Variants in PLCL2 observed in about 807,000 individuals in gnomAD.
PLCL2 encodes the protein inactive phospholipase C-like protein 2.
A neutral mutation model predicts 79.6 loss-of-function variants in PLCL2; 4 were observed. The ratio of observed to expected loss-of-function variants is 0.05; its 90% CI spans 0.02 to 0.11. PLCL2 has a LOEUF of 0.11. Among genes scored for constraint, PLCL2 ranks in the 10% least tolerant of loss-of-function variants. The pLI is 1.00. For missense variants in PLCL2, 895 were observed against 1,291.0 expected (o/e 0.69, Z 4.70); for synonymous variants, 484 against 457.7 (o/e 1.06, Z -0.73).
chr3:17,086,555 A>G (rs2065222216), intron 5 of PLCL2, among the ~76,000 whole-genome samples: 1 of 152,242 alleles, frequency 6.6e-6, no homozygotes, highest in African/African-American at 2.4e-5. Flanking sequence ...CACCATAGAC[A>G]ATCCATTAAA....
intron 3 of PLCL2, 149 bp from the exon 4 acceptor site, chr3:17,042,725 G>T: frequency 1.6e-6 from 1 of 619,264 alleles, no homozygotes; most frequent in South Asian, 1.9e-5. Flanking sequence ...ATTTTCACAT[G>T]CACATTTGAA....
At chr3:17,085,520 G>A (rs575136683) in intron 5 of PLCL2, among the ~76,000 whole-genome samples, 4 of 151,298 alleles carry the variant, frequency 2.6e-5, no homozygotes, top group Admixed American at 6.6e-5. Flanking sequence ...GTGTGATCTC[G>A]GCTCACTGCA....
chr3:17,074,390 G>A (rs141842312), intron 5 of PLCL2, among the ~76,000 whole-genome samples: 3 of 152,276 alleles, frequency 2.0e-5, no homozygotes, highest in Non-Finnish European at 4.4e-5. Flanking sequence ...TCTCATCTAG[G>A]CTTTATTGAT....
chr3:16,919,405 T>C (rs1168553156), intron 1 of PLCL2, among the ~76,000 whole-genome samples: 1 of 152,184 alleles, frequency 6.6e-6, no homozygotes, highest in Admixed American at 6.5e-5. Context: ...GAATTGTTTG[T>C]CCTTTTTTAC....
Position 16,933,333 on chromosome 3 carries a change from T to C in PLCL2, c.327+47967T>C, listed in dbSNP as rs1020433481. ...GTTTCATTTTGGGAGTGGTGGAAGA[T>C]TAGCCTTTGTGTTTCTCCTCTAAAG... On this transcript the variant is annotated intron_variant, in intron 1 of 5. Transcript: ENST00000615277. 5 of 154,640 alleles carry C rather than the reference T, an allele frequency of 3.2e-5. No homozygotes were observed. In the Admixed American group the frequency reaches 3.3e-4, roughly 10 times the overall value. The allele number at this position is 154,640 out of a possible 1,614,324, so 9.6% of individuals were successfully genotyped here.
rs1349518347 is a variant in PLCL2, at chr3:17,090,049, ATT to A, written c.*138_*139del. 1 of 1,394,676 alleles carries A rather than the reference ATT, an allele frequency of 7.2e-7. No homozygotes were observed. The highest frequency in any genetic ancestry group is 9.3e-7 in the Non-Finnish European group (1 of 1,071,548). The allele number at this position is 1,394,676 out of a possible 1,614,324, so 86.4% of individuals were successfully genotyped here. On this transcript the variant is annotated 3_prime_UTR_variant, in exon 6 of 6. Transcript: ENST00000615277. ...CAACTGGAATAGCTAATTACAGTCT[ATT>A]AAAACTGTGAATGTATGTAGCAATC... is the stretch of plus-strand genomic sequence containing the variant.
chr3:17,057,893 C>T (rs747555761), intron 4 of PLCL2, among the ~76,000 whole-genome samples: 19 of 152,190 alleles, frequency 1.2e-4, no homozygotes, highest in Non-Finnish European at 2.8e-4. Flanking sequence ...GTTCAACAAA[C>T]GAGCTCTTAC....
intron 1 of PLCL2, among the ~76,000 whole-genome samples, chr3:16,916,449 G>C (rs1696997520): frequency 6.6e-6 from 1 of 152,130 alleles, no homozygotes; most frequent in South Asian, 2.1e-4. Flanking sequence ...TGGTCAGGTG[G>C]GAAGTAGCTT....
At chr3:17,024,612 A>G (rs955177837) in intron 3 of PLCL2, among the ~76,000 whole-genome samples, 2 of 152,222 alleles carry the variant, frequency 1.3e-5, no homozygotes, top group Non-Finnish European at 2.9e-5. Context: ...AGCAATGATC[A>G]AAGAAACAAA....
intron 1 of PLCL2, among the ~76,000 whole-genome samples, chr3:16,896,458 C>T (rs1696482634): frequency 6.6e-6 from 1 of 152,144 alleles, no homozygotes; most frequent in South Asian, 2.1e-4. Flanking sequence ...ACACTGCAGT[C>T]GTGATTGCTT....
rs145229090 is a variant in PLCL2, at chr3:17,033,279, T to A, written c.3019-9595T>A. ...CCAGATTTATATAGCATTTGGCATC[T>A]GTTCTCTGGCAAGAAATGATCATTA... On this transcript the variant is annotated intron_variant, in intron 3 of 5. Transcript: ENST00000615277. Among the ~76,000 whole-genome samples the A allele has an allele frequency of 5.0e-3, 768 of 152,276 alleles. 6 individuals are homozygous for A. Among genetic ancestry groups the A allele is most frequent in the Non-Finnish European group, 8.1e-3 (548 of 68,010 alleles).
chr3:17,009,922 G>A lies in PLCL2; in HGVS notation c.576G>A (p.Lys192=). 3 of 1,613,888 alleles carry A rather than the reference G, an allele frequency of 1.9e-6. No individual in the cohort carries two copies. The highest frequency in any genetic ancestry group is 3.3e-4 in the Middle Eastern group (2 of 6,062). ...CCAAGATTGACATTAAATCCATCAA[G>A]GAAGTGAGAACAGGAAAAAACACAG... ...EKAKIDIKSI[K]EVRTGKNTDI... is the part of the protein sequence containing the mutation. The change falls in exon 2 of 6, where the codon AAG becomes AAA. Residue 192 remains lysine, a synonymous_variant. Transcript: ENST00000615277. The surrounding 1 kb of genome is among the most constrained non-coding windows in gnomAD (Gnocchi z 4.0).
At chr3:16,891,631 A>G (rs770491388) in intron 1 of PLCL2, among the ~76,000 whole-genome samples, 2 of 152,236 alleles carry the variant, frequency 1.3e-5, no homozygotes, top group Non-Finnish European at 2.9e-5. Flanking sequence ...CCAAGCACCC[A>G]CATGTCTTGC....
chr3:16,924,645 C>A (rs1220765066), intron 1 of PLCL2, among the ~76,000 whole-genome samples: 1 of 152,180 alleles, frequency 6.6e-6, no homozygotes, highest in Non-Finnish European at 1.5e-5. Context: ...ATCCTACAGT[C>A]ACTCTCTGTT....
intron 5 of PLCL2, among the ~76,000 whole-genome samples, chr3:17,084,681 G>A (rs549459841): frequency 1.8e-4 from 27 of 152,246 alleles, no homozygotes; most frequent in Admixed American, 1.0e-3. Context: ...GACAAAGCTC[G>A]TGGTTGTATC....
intron 4 of PLCL2, among the ~76,000 whole-genome samples, chr3:17,047,563 A>T: frequency 6.6e-6 from 1 of 152,240 alleles, no homozygotes; most frequent in East Asian, 1.9e-4. Context: ...ATCAAAGAAA[A>T]TAACTTTCCA....
At chr3:16,957,243 G>C (rs1213260221) in intron 1 of PLCL2, among the ~76,000 whole-genome samples, 1 of 151,932 alleles carries the variant, frequency 6.6e-6, no homozygotes, top group Non-Finnish European at 1.5e-5. Context: ...TGTTCTCGTT[G>C]GTTTCAAAGA....
intron 1 of PLCL2, among the ~76,000 whole-genome samples, chr3:16,894,430 C>G (rs984265183): frequency 1.3e-5 from 2 of 152,196 alleles, no homozygotes; most frequent in Admixed American, 6.5e-5. Context: ...AAATAATTTT[C>G]TATACATTAA....
intron 1 of PLCL2, among the ~76,000 whole-genome samples, chr3:16,955,080 T>C (rs1424271515): frequency 6.6e-6 from 1 of 152,264 alleles, no homozygotes; most frequent in Non-Finnish European, 1.5e-5. Flanking sequence ...CTTTTGGTGT[T>C]TTAGACATGA....
Sources: allele counts gnomAD v4.1 joint callset (sites outside exome capture counted in the v4.1 genomes callset), GRCh38; gene constraint gnomAD v4.1.1; non-coding constraint Gnocchi (gnomAD v3.1); transcripts MANE v1.5; gene names NCBI Gene and HGNC (gene_info 2026-07-23, HGNC 2026-07-21).